Variants in NUDCD1 observed in about 807,000 individuals in gnomAD.
NUDCD1 encodes nudC domain-containing protein 1.
A neutral mutation model predicts 67.8 loss-of-function variants in NUDCD1; 60 were observed. The observed-to-expected ratio is 0.88, with a 90% CI of 0.72 to 1.10. The LOEUF (loss-of-function observed/expected upper bound fraction) is 1.10, where lower values mean the gene tolerates loss of function less well. NUDCD1 is among the 50% of genes least tolerant of loss of function. NUDCD1 has a pLI of 0.00. For missense variants in NUDCD1, 643 were observed against 695.0 expected (o/e 0.93, Z 0.84); for synonymous variants, 244 against 230.8 (o/e 1.06, Z -0.52).
intron 1 of NUDCD1, among the ~76,000 whole-genome samples, chr8:109,322,685 A>C (rs2130134786): frequency 6.6e-6 from 1 of 152,298 alleles, no homozygotes; most frequent in South Asian, 2.1e-4. Context: ...TACAAGACTT[A>C]GAATACAGCG....
intron 8 of NUDCD1, among the ~76,000 whole-genome samples, chr8:109,256,275 G>A (rs1813735938): frequency 6.6e-6 from 1 of 152,134 alleles, no homozygotes; most frequent in Admixed American, 6.6e-5. Flanking sequence ...GGACTGGATG[G>A]CAGTGTTCTT....
chr8:109,306,532 T>C (rs1406976849), intron 2 of NUDCD1, among the ~76,000 whole-genome samples: 2 of 151,994 alleles, frequency 1.3e-5, no homozygotes, highest in Non-Finnish European at 2.9e-5. Flanking sequence ...AAGAGTGTTG[T>C]TTTTACCTAA....
At chr8:109,261,990 G>T (rs1291994799) in intron 8 of NUDCD1, among the ~76,000 whole-genome samples, 1 of 152,016 alleles carries the variant, frequency 6.6e-6, no homozygotes, top group Non-Finnish European at 1.5e-5. Flanking sequence ...GCATTACATG[G>T]TGTTATGAAC....
At chr8:109,291,639 G>A (rs2926268) in intron 4 of NUDCD1, among the ~76,000 whole-genome samples, 54,758 of 151,922 alleles carry the variant, frequency 0.36, 10,689 homozygotes, top group South Asian at 0.5. Flanking sequence ...ATTAGTAGTA[G>A]TCTGGGAGAG....
At chr8:109,264,963 T>A (rs577895867) in intron 8 of NUDCD1, among the ~76,000 whole-genome samples, 1 of 151,854 alleles carries the variant, frequency 6.6e-6, no homozygotes, top group Non-Finnish European at 1.5e-5. Flanking sequence ...ATTTCTAATA[T>A]GATACGTTTT....
rs1247153677 is a variant in NUDCD1, at chr8:109,263,122, A to G, written c.1299+7883T>C. On this transcript the variant is annotated intron_variant, in intron 8 of 9. Coordinates refer to ENST00000239690, the MANE Select transcript of NUDCD1 (RefSeq NM_032869.4). ...GTTCTCTAGAACGCACCTTCATTTT[A>G]CACTGAAGGCTGCCTAAGGCTACAT... Among the ~76,000 whole-genome samples the G allele has an allele frequency of 2.0e-5, 3 of 148,070 alleles. No homozygotes were observed. In the Admixed American group the frequency reaches 2.1e-4, roughly 10 times the overall value.
chr8:109,311,559 G>GTGTATATATATATATA lies in NUDCD1; in HGVS notation c.273+10749_273+10750insTATATATATATATACA. 1.5e-3 allele frequency among the ~76,000 whole-genome samples: 188 copies of GTGTATATATATATATA among 125,146 alleles called. 17 individuals are homozygous for GTGTATATATATATATA. The highest frequency in any genetic ancestry group is 3.1e-3 in the African/African-American group (88 of 28,740). The allele number at this position is 125,146 out of a possible 152,430, so 82.1% of individuals were successfully genotyped here. ...AATGAGTGGATAAAGAAACTGTGGT[G>GTGTATATATATATATA]TATATATATATATGATGGGATACTG... On this transcript the variant is annotated intron_variant, in intron 2 of 9. Transcript: ENST00000239690.
chr8:109,245,966 G>C (rs1293709026), intron 8 of NUDCD1, among the ~76,000 whole-genome samples: 2 of 152,298 alleles, frequency 1.3e-5, no homozygotes, highest in East Asian at 3.9e-4. Flanking sequence ...AGTGGAATTA[G>C]ATTCTCACAG....
intron 8 of NUDCD1, among the ~76,000 whole-genome samples, chr8:109,262,179 CT>C (rs1313750340): frequency 6.6e-6 from 1 of 152,214 alleles, no homozygotes; most frequent in African/African-American, 2.4e-5. Flanking sequence ...CTACATTTCT[CT>C]TTAACTTCTG....
intron 8 of NUDCD1, among the ~76,000 whole-genome samples, chr8:109,247,587 G>A (rs1341429388): frequency 1.3e-5 from 2 of 152,160 alleles, no homozygotes; most frequent in Non-Finnish European, 2.9e-5. Flanking sequence ...CCATTATGGC[G>A]ACTGTGTCAA....
Position 109,303,456 on chromosome 8 carries a change from G to A in NUDCD1, c.274-6887C>T, listed in dbSNP as rs184212127. 5.1e-4 allele frequency among the ~76,000 whole-genome samples: 78 copies of A among 152,144 alleles called. No homozygotes were observed. In the East Asian group the frequency reaches 0.013, roughly 25 times the overall value. ...TGCCTCCATAACTGTTGTGAGTATT[G>A]ACGGCCAGGCTTCTAAACCTCTTAA... On this transcript the variant is annotated intron_variant, in intron 2 of 9. Coordinates refer to ENST00000239690, the MANE Select transcript of NUDCD1 (RefSeq NM_032869.4).
At chr8:109,319,197 TCTC>T (rs1815475209) in intron 2 of NUDCD1, among the ~76,000 whole-genome samples, 1 of 152,006 alleles carries the variant, frequency 6.6e-6, no homozygotes. Flanking sequence ...ATGGTCTCGA[TCTC>T]CTAACCTCAT....
At chr8:109,285,199 G>A (rs1171368540) in intron 5 of NUDCD1, among the ~76,000 whole-genome samples, 2 of 151,946 alleles carry the variant, frequency 1.3e-5, no homozygotes, top group East Asian at 1.9e-4. Flanking sequence ...GAAAGCCCTG[G>A]ACAGATGGAT....
intron 2 of NUDCD1, among the ~76,000 whole-genome samples, chr8:109,321,128 T>A (rs1196256147): frequency 6.6e-6 from 1 of 152,186 alleles, no homozygotes; most frequent in Non-Finnish European, 1.5e-5. Context: ...TTTTAGCAAG[T>A]GATAATATTA....
intron 2 of NUDCD1, among the ~76,000 whole-genome samples, chr8:109,319,369 G>A (rs1815479070): frequency 6.6e-6 from 1 of 152,182 alleles, no homozygotes; most frequent in South Asian, 2.1e-4. Context: ...AACAGCAAAA[G>A]CGAGCAACAA....
chr8:109,294,142 A>G (rs371355164), intron 3 of NUDCD1, among the ~76,000 whole-genome samples: 23 of 152,232 alleles, frequency 1.5e-4, no homozygotes, highest in African/African-American at 5.5e-4. Flanking sequence ...AAAATAGAGA[A>G]GGTTTTAAGG....
intron 1 of NUDCD1, among the ~76,000 whole-genome samples, chr8:109,328,870 T>G (rs1481915150): frequency 1.3e-5 from 2 of 152,078 alleles, no homozygotes; most frequent in African/African-American, 4.8e-5. Context: ...GATTACCACA[T>G]ATGCAAAGAG....
intron 8 of NUDCD1, among the ~76,000 whole-genome samples, chr8:109,250,773 T>C (rs1665907426): frequency 7.3e-6 from 1 of 136,596 alleles, no homozygotes; most frequent in South Asian, 2.2e-4. Flanking sequence ...TACTGATTGA[T>C]GATATTTGAA....
intron 8 of NUDCD1, among the ~76,000 whole-genome samples, chr8:109,262,128 C>A (rs531831095): frequency 6.6e-6 from 1 of 152,310 alleles, no homozygotes; most frequent in Non-Finnish European, 1.5e-5. Flanking sequence ...AATTTAAATA[C>A]TTGTATATGT....
Sources: allele counts gnomAD v4.1 joint callset (sites outside exome capture counted in the v4.1 genomes callset), GRCh38; gene constraint gnomAD v4.1.1; transcripts MANE v1.5; gene names NCBI Gene and HGNC (gene_info 2026-07-23, HGNC 2026-07-21).